ZBTB37: variants seen among roughly 807,000 people sequenced by gnomAD.
ZBTB37 encodes zinc finger and BTB domain-containing protein 37.
Under a neutral mutation model 37.7 loss-of-function variants are expected in ZBTB37, and 15 were observed. That is an observed-to-expected ratio of 0.40 (90% CI 0.27 to 0.61). The LOEUF (loss-of-function observed/expected upper bound fraction) is 0.61. Ranked by LOEUF, ZBTB37 falls within the 20% of genes least tolerant of loss-of-function variation. The pLI is 0.44. For synonymous variants in ZBTB37, 231 were observed against 220.6 expected (o/e 1.05, Z -0.42); for missense variants, 514 against 641.9 (o/e 0.80, Z 2.15).
rs1656573477 is a variant in ZBTB37 at position 173,885,520 on chromosome 1, C to T, written c.1024-116C>T. On this transcript the variant is annotated intron_variant, in intron 4 of 4. Coordinates refer to ENST00000427304, the Ensembl canonical transcript of ZBTB37. The stretch of plus-strand genomic sequence containing the variant: ...TTTTGGTAATAATTTTCTGTTTGAT[C>T]CGCCACTAAAAAGGTACATATATCT... 7 of 878,690 alleles carry T rather than the reference C, an allele frequency of 8.0e-6. No individual in the cohort carries two copies. The South Asian group carries it at 1.4e-4, about 17-fold the overall frequency. The allele number at this position is 878,690 out of a possible 1,614,324, so 54.4% of individuals were successfully genotyped here.
At chr1:173,870,268 A>C in exon 3 of ZBTB37, 1 of 1,614,108 alleles carries the variant, frequency 6.2e-7, no homozygotes, top group Non-Finnish European at 8.5e-7. Context: ...TCCTGACTTC[A>C]GCAACTCTGT....
exon 5 of ZBTB37, chr1:173,886,263 A>G: frequency 2.2e-6 from 3 of 1,348,856 alleles, no homozygotes. Context: ...GCCAAACTGG[A>G]GGATCAGCAA....
chr1:173,875,772 A>G (rs1655932022), intron 4 of ZBTB37, among the ~76,000 whole-genome samples: 1 of 151,836 alleles, frequency 6.6e-6, no homozygotes, highest in Non-Finnish European at 1.5e-5. Flanking sequence ...CTCTCCCCTC[A>G]GCCTCCTGAG....
At chr1:173,885,869 T>C (rs1169973170) in exon 5 of ZBTB37, 1 of 1,551,880 alleles carries the variant, frequency 6.4e-7, no homozygotes, top group Admixed American at 2.0e-5. Context: ...TGGAGTATCA[T>C]ATCCGCAAGC....
intron 4 of ZBTB37, among the ~76,000 whole-genome samples, chr1:173,877,212 T>G (rs1656027321): frequency 6.6e-6 from 1 of 152,020 alleles, no homozygotes. Flanking sequence ...ACGTTACAAC[T>G]TAATGGGGGC....
chr1:173,871,705 G>T (rs1037096319), intron 3 of ZBTB37, among the ~76,000 whole-genome samples: 1 of 152,150 alleles, frequency 6.6e-6, no homozygotes, highest in Non-Finnish European at 1.5e-5. Flanking sequence ...TCACGTGATG[G>T]TATCTTCCCT....
chr1:173,893,263 T>A lies in ZBTB37; in HGVS notation c.*7139T>A, dbSNP rs111874739. The A allele has an allele frequency of 1.8e-3, 276 of 152,344 alleles. 1 individual carries two copies. Among genetic ancestry groups the A allele is most frequent in the African/African-American group, 6.3e-3 (260 of 41,588 alleles). 9.4% of individuals were successfully genotyped at this position (152,344 alleles called of 1,614,324 possible). A position where few individuals can be genotyped will look rare whatever the true frequency, so the allele number is the denominator to read the frequency against. On this transcript the variant is annotated 3_prime_UTR_variant, in exon 4 of 4. Transcript: ENST00000367701. ...GGCCTACACCATGATTTTAATATAC[T>A]GTGAATCTTAGGATTTCAGTTAATC...
intron 4 of ZBTB37, among the ~76,000 whole-genome samples, chr1:173,877,856 A>G (rs1263373561): frequency 6.6e-6 from 1 of 152,220 alleles, no homozygotes; most frequent in Non-Finnish European, 1.5e-5. Context: ...ATATTGATAG[A>G]TTTGAAGAAC....
Position 173,874,326 on chromosome 1 carries a change from T to C in ZBTB37, c.1023+760T>C, listed in dbSNP as rs116138798. On this transcript the variant is annotated intron_variant, in intron 4 of 4. Transcript: ENST00000427304. ...ATTGAAAGTATCTATCTAAAAAATC[T>C]ATAGAAAACATCTTTTTTTTTTTTT... Among the ~76,000 whole-genome samples, 1,323 of 151,242 alleles carry C rather than the reference T, an allele frequency of 8.7e-3. 15 individuals carry two copies. Among genetic ancestry groups the C allele is most frequent in the African/African-American group, 0.031 (1,271 of 41,038 alleles).
chr1:173,898,461 CA>C (rs1215063050), exon 4 of ZBTB37: 257 of 90,320 alleles, frequency 2.8e-3, no homozygotes, highest in South Asian at 3.4e-3. Flanking sequence ...GACTCCATCT[CA>C]AAAAAAAAAA....
chr1:173,868,587 C>T (rs943602415), intron 1 of ZBTB37, among the ~76,000 whole-genome samples, 182 bp downstream of exon 1: 2 of 152,196 alleles, frequency 1.3e-5, no homozygotes, highest in Non-Finnish European at 2.9e-5. Flanking sequence ...GCTGATCTGC[C>T]GGACCCGCCC....
chr1:173,870,999 T>G (rs774352727), exon 3 of ZBTB37: 9 of 1,614,212 alleles, frequency 5.6e-6, no homozygotes, highest in South Asian at 2.2e-5. Context: ...GGCCTGAGAA[T>G]CAGCCTTCTG....
chr1:173,875,200 CTATG>C (rs763734097), intron 4 of ZBTB37, among the ~76,000 whole-genome samples: 11 of 150,000 alleles, frequency 7.3e-5, no homozygotes, highest in Non-Finnish European at 1.2e-4. Flanking sequence ...TATACACACA[CTATG>C]TATACTATAG....
At chr1:173,889,110 G>C (rs544624026), downstream of ZBTB37, 42 of 152,196 alleles carry the variant, frequency 2.8e-4, no homozygotes, top group Non-Finnish European at 5.4e-4. Flanking sequence ...TTTAAGGCAG[G>C]CTAGCTTTTA....
At chr1:173,871,337 T>C (rs759388899) in intron 3 of ZBTB37, among the ~76,000 whole-genome samples, 189 bp downstream of exon 3, 1 of 152,230 alleles carries the variant, frequency 6.6e-6, no homozygotes, top group Non-Finnish European at 1.5e-5. Context: ...GCTCCATTCC[T>C]GAAGTATTCA....
chr1:173,873,215 A>G (rs563345676), intron 3 of ZBTB37, among the ~76,000 whole-genome samples: 1 of 152,184 alleles, frequency 6.6e-6, no homozygotes, highest in Non-Finnish European at 1.5e-5. Flanking sequence ...AAGAAAGCTT[A>G]TATTTAGCTT....
chr1:173,875,117 TGTG>T, intron 4 of ZBTB37, among the ~76,000 whole-genome samples: 1 of 784 alleles, frequency 1.3e-3, no homozygotes. Flanking sequence ...CTGATTATTA[TGTG>T]TGTGTGTGTG....
exon 4 of ZBTB37, chr1:173,902,408 ACCTACCAGTCTGTTTTTTC>A (rs1365098254): frequency 6.6e-6 from 1 of 152,184 alleles, no homozygotes; most frequent in Non-Finnish European, 1.5e-5. Context: ...AGCTGTAAGA[ACCTACCAGTCTGTTTTTTC>A]CCTTTGAAAA....
chr1:173,889,734 T>A (rs1329349971), downstream of ZBTB37: 2 of 152,206 alleles, frequency 1.3e-5, no homozygotes, highest in African/African-American at 4.8e-5. Flanking sequence ...TTTTATTTTA[T>A]CCAAGTTGCA....
Sources: gnomAD v4.1 joint callset for allele counts (sites outside exome capture counted in the v4.1 genomes callset) on GRCh38, gnomAD v4.1.1 for gene constraint, MANE v1.5 for transcripts, NCBI Gene and HGNC (gene_info 2026-07-23, HGNC 2026-07-21) for gene names.